The following ZNF654 variants were observed in gnomAD, a reference collection of about 807,000 sequenced individuals.
ZNF654 encodes melanoma-associated antigen.
ZNF654 carries 19 observed loss-of-function variants against 95.3 expected under a neutral mutation model. The observed-to-expected ratio is 0.20, with a 90% CI of 0.14 to 0.29. The LOEUF is 0.29. Among genes scored for constraint, ZNF654 ranks in the 10% least tolerant of loss-of-function variants. The probability of loss-of-function intolerance (pLI) is 1.00; values close to 1 mark genes in which losing one functional copy is unlikely to be tolerated. For missense variants in ZNF654, 1,046 were observed against 1,341.0 expected, an observed-to-expected ratio of 0.78 and a Z score of 3.44; for synonymous variants, 413 against 457.9, an observed-to-expected ratio of 0.90 and a Z score of 1.25.
Position 88,140,143 on chromosome 3 carries a change from C to A in ZNF654, c.2474C>A (p.Ser825Ter). The change falls in exon 8 of 9, where the codon TCG becomes TAG. Residue 825 changes from serine (S) to a stop codon, truncating the protein, a stop_gained. Coordinates refer to ENST00000636215, the MANE Select transcript of ZNF654 (RefSeq NM_001350134.2). LOFTEE classifies it high-confidence loss of function. The stretch of plus-strand genomic sequence containing the variant: ...TGTTTGCATTTTAATTGCAACGAGT[C>A]GTTTAAGCTGCCGTTCCAGCTTGCC... ...YFCLHFNCNESFKLPFQLAQH... is the reference protein window; with the variant it reads ...YFCLHFNCNE The A allele has an allele frequency of 3.1e-6, 5 of 1,613,808 alleles. No homozygotes were observed. In the South Asian group the frequency reaches 5.5e-5, roughly 18 times the overall value.
chr3:88,141,099 A>G, intron 8 of ZNF654, 51 bp downstream of exon 8: 1 of 1,524,774 alleles, frequency 6.6e-7, no homozygotes, highest in South Asian at 1.3e-5. Flanking sequence ...AGAAAATGGC[A>G]TAAATAAAAC....
At chr3:88,103,599 A>T (rs1000460330) in intron 2 of ZNF654, among the ~76,000 whole-genome samples, 1 of 152,190 alleles carries the variant, frequency 6.6e-6, no homozygotes, top group Non-Finnish European at 1.5e-5. Context: ...TAAAGGATCC[A>T]GCTACAGAAA....
chr3:88,120,763 T>A (rs562657110), intron 3 of ZNF654, among the ~76,000 whole-genome samples: 93 of 151,940 alleles, frequency 6.1e-4, no homozygotes, highest in African/African-American at 2.1e-3. Flanking sequence ...TTAAAAAGGA[T>A]GAAACTAAAA....
At chr3:88,129,333 A>AC (rs1706305478) in intron 5 of ZNF654, among the ~76,000 whole-genome samples, 1 of 150,786 alleles carries the variant, frequency 6.6e-6, no homozygotes, top group Non-Finnish European at 1.5e-5. Flanking sequence ...AAAAAAAAAA[A>AC]AAAAAAAAAA....
chr3:88,070,569 T>G lies in ZNF654; in HGVS notation c.186+11064T>G, dbSNP rs1269868968. On this transcript the variant is annotated intron_variant, in intron 1 of 8. Transcript: ENST00000636215. ...GGCAAAGGCAACACTGCCTGTTTTT[T>G]TTTTTTTTTTTTTTTTTTTTGCAGA... Among the ~76,000 whole-genome samples the G allele has an allele frequency of 0.013, 270 of 21,140 alleles. 5 individuals carry two copies. The East Asian group carries it at 0.4, about 31-fold the overall frequency. 13.9% of individuals were successfully genotyped at this position (21,140 alleles called of 152,430 possible). A position where few individuals can be genotyped will look rare whatever the true frequency, so the allele number is the denominator to read the frequency against.
chr3:88,103,913 C>T (rs1414447942), intron 2 of ZNF654, among the ~76,000 whole-genome samples: 1 of 151,664 alleles, frequency 6.6e-6, no homozygotes, highest in Non-Finnish European at 1.5e-5. Context: ...ATTACAGGTG[C>T]CCGCCCCTAT....
chr3:88,064,150 G>A (rs1251455183), intron 1 of ZNF654, among the ~76,000 whole-genome samples: 1 of 148,430 alleles, frequency 6.7e-6, no homozygotes, highest in Non-Finnish European at 1.5e-5. Context: ...AAAAATAGCA[G>A]TCATGCCCTG....
intron 1 of ZNF654, among the ~76,000 whole-genome samples, chr3:88,079,685 T>C (rs1272250750): frequency 6.6e-6 from 1 of 152,038 alleles, no homozygotes; most frequent in Admixed American, 6.5e-5. Context: ...AGATTCCTTT[T>C]AACAGTATGA....
At chr3:88,132,526 C>T (rs1300491831) in intron 6 of ZNF654, among the ~76,000 whole-genome samples, 6 of 152,156 alleles carry the variant, frequency 3.9e-5, no homozygotes, top group Admixed American at 2.0e-4. Context: ...TCAGAATCCA[C>T]TGTACAACTA....
chr3:88,068,921 T>G (rs970616280), intron 1 of ZNF654, among the ~76,000 whole-genome samples: 1 of 152,182 alleles, frequency 6.6e-6, no homozygotes, highest in Non-Finnish European at 1.5e-5. Flanking sequence ...CATTGTATTG[T>G]ATCTAGGAAT....
intron 1 of ZNF654, among the ~76,000 whole-genome samples, chr3:88,067,739 G>A (rs532255572): frequency 6.6e-6 from 1 of 152,332 alleles, no homozygotes; most frequent in Admixed American, 6.5e-5. Flanking sequence ...TTTTGGTGTA[G>A]TGATGGGATC....
intron 1 of ZNF654, among the ~76,000 whole-genome samples, chr3:88,071,730 G>A (rs1252057819): frequency 6.6e-6 from 1 of 152,108 alleles, no homozygotes; most frequent in Non-Finnish European, 1.5e-5. Flanking sequence ...CTTGAACCCG[G>A]GAGGCAGAGG....
chr3:88,117,718 G>C (rs1705495573), intron 3 of ZNF654, among the ~76,000 whole-genome samples: 1 of 152,098 alleles, frequency 6.6e-6, no homozygotes, highest in Non-Finnish European at 1.5e-5. Context: ...CAATAATCTG[G>C]AACTAGGATC....
At chr3:88,115,979 C>T (rs548628225) in intron 3 of ZNF654, among the ~76,000 whole-genome samples, 335 of 152,108 alleles carry the variant, frequency 2.2e-3, no homozygotes, top group Non-Finnish European at 3.7e-3. Context: ...TGACTGAATG[C>T]GATGAAACAG....
intron 3 of ZNF654, among the ~76,000 whole-genome samples, chr3:88,123,093 A>T (rs532443763): frequency 6.6e-6 from 1 of 152,220 alleles, no homozygotes; most frequent in East Asian, 1.9e-4. Context: ...TGTGCATTCT[A>T]CAGTAATTTA....
At position 88,141,999 on chromosome 3, in the gene ZNF654, C is replaced by T. The variant is rs62268165; in HGVS notation, c.*347C>T. The T allele has an allele frequency of 1.9e-5, 3 of 162,126 alleles. No homozygotes were observed. Among genetic ancestry groups the T allele is most frequent in the South Asian group, 2.6e-4 (1 of 3,880 alleles). The allele number at this position is 162,126 out of a possible 1,614,324, so 10.0% of individuals were successfully genotyped here. ...GGCCTTACAGAAAGGGAAAAATTAACCCATTATTAAAAAGTGTGTGTGGGG... is the reference window on the plus strand; with the variant it reads ...GGCCTTACAGAAAGGGAAAAATTAATCCATTATTAAAAAGTGTGTGTGGGG... On this transcript the variant is annotated 3_prime_UTR_variant, in exon 9 of 9. Coordinates refer to ENST00000636215, the MANE Select transcript of ZNF654 (RefSeq NM_001350134.2).
chr3:88,122,573 C>T (rs190906368), intron 3 of ZNF654, among the ~76,000 whole-genome samples: 1 of 152,150 alleles, frequency 6.6e-6, no homozygotes, highest in East Asian at 1.9e-4. Flanking sequence ...TTGGCCAAGA[C>T]ACAAAGTTGA....
rs1174449239 is a variant in ZNF654, at chr3:88,086,259, G to C, written c.189G>C (p.Val63=). ...TGTCTGGATTGCTTCTCTGTCAGGT[G>C]GTTGAAGATTATGCTGGAAGATGGC... ...SRDYCRRFCQ[V]VEDYAGRWQV... Residue 63 remains valine (V), a splice_region_variant and synonymous_variant, in exon 2 of 9, where the codon GTG becomes GTC. Transcript: ENST00000636215. 6.5e-7 allele frequency: 1 copy of C among 1,533,050 alleles called. No homozygotes were observed. The allele number at this position is 1,533,050 out of a possible 1,614,324, so 95.0% of individuals were successfully genotyped here.
At chr3:88,118,150 A>C (rs1705525696) in intron 3 of ZNF654, among the ~76,000 whole-genome samples, 1 of 152,138 alleles carries the variant, frequency 6.6e-6, no homozygotes, top group South Asian at 2.1e-4. Context: ...GTTAGAGAAA[A>C]GTCTATCCTT....
Sources: allele counts gnomAD v4.1 joint callset (sites outside exome capture counted in the v4.1 genomes callset), GRCh38; gene constraint gnomAD v4.1.1; transcripts MANE v1.5; gene names NCBI Gene and HGNC (gene_info 2026-07-23, HGNC 2026-07-21).